GABRG3: variants seen among roughly 807,000 people sequenced by gnomAD.
GABRG3 encodes the protein gamma-aminobutyric acid type A receptor subunit gamma3.
Under a neutral mutation model 48.8 loss-of-function variants are expected in GABRG3, and 25 were observed. The observed-to-expected ratio is 0.51, with a 90% CI of 0.37 to 0.72. The LOEUF (loss-of-function observed/expected upper bound fraction) is 0.72. Among genes scored for constraint, GABRG3 ranks in the 30% least tolerant of loss-of-function variants. The pLI, the probability that GABRG3 is intolerant of heterozygous loss-of-function variation, is 0.00. For synonymous variants in GABRG3, 227 were observed against 217.6 expected (o/e 1.04, Z -0.38); for missense variants, 394 against 577.9 (o/e 0.68, Z 3.26).
intron 3 of GABRG3, among the ~76,000 whole-genome samples, chr15:27,075,030 A>G (rs1359601870): frequency 2.0e-5 from 3 of 152,224 alleles, no homozygotes; most frequent in Non-Finnish European, 4.4e-5. Flanking sequence ...GGACATTTTT[A>G]TTGATACTAA....
At chr15:27,306,385 T>C (rs556451676) in intron 3 of GABRG3, among the ~76,000 whole-genome samples, 2 of 139,794 alleles carry the variant, frequency 1.4e-5, no homozygotes, top group African/African-American at 5.2e-5. Context: ...TAAACATGTC[T>C]ACATGTAAAC....
chr15:27,496,993 G>A (rs1425042330), intron 6 of GABRG3, among the ~76,000 whole-genome samples: 2 of 151,720 alleles, frequency 1.3e-5, no homozygotes, highest in Non-Finnish European at 2.9e-5. Context: ...GTGAGTGCCA[G>A]GCCAGGTCTC....
intron 5 of GABRG3, among the ~76,000 whole-genome samples, chr15:27,446,258 A>G (rs1001048084): frequency 2.0e-5 from 3 of 152,206 alleles, no homozygotes; most frequent in Non-Finnish European, 4.4e-5. Context: ...ACAATATTAA[A>G]TCTTCTGATC....
intron 3 of GABRG3, among the ~76,000 whole-genome samples, chr15:27,129,997 G>T (rs1193087909): frequency 1.3e-5 from 2 of 152,036 alleles, no homozygotes; most frequent in Non-Finnish European, 2.9e-5. Context: ...TGTCTCACAT[G>T]CTATATGTTG....
intron 3 of GABRG3, among the ~76,000 whole-genome samples, chr15:27,258,722 A>C (rs1320027079): frequency 6.6e-6 from 1 of 152,178 alleles, no homozygotes; most frequent in East Asian, 1.9e-4. Context: ...CCACCACCTC[A>C]AATATTTATC....
rs546517478 is a variant in GABRG3 at position 27,515,920 on chromosome 15, T to A, written c.713-4052T>A. Among the ~76,000 whole-genome samples the A allele has an allele frequency of 2.6e-5, 4 of 152,326 alleles. No individual in the cohort carries two copies. The East Asian group carries it at 7.7e-4, about 29-fold the overall frequency. ...TTAGAAATACATTCTGTGAAGGGTT[T>A]TCCTTTTTTAAATTTTCTGTGAAGA... On this transcript the variant is annotated intron_variant, in intron 6 of 9. Coordinates refer to ENST00000615808, the MANE Select transcript of GABRG3 (RefSeq NM_033223.5).
At chr15:27,350,271 T>C (rs936882668) in intron 5 of GABRG3, 1 of 441,646 alleles carries the variant, frequency 2.3e-6, no homozygotes, top group African/African-American at 2.0e-5. Flanking sequence ...TGCATTTGCC[T>C]CCATGGGGCC....
intron 2 of GABRG3, among the ~76,000 whole-genome samples, chr15:27,023,640 A>G (rs1444988421): frequency 1.3e-5 from 2 of 152,248 alleles, no homozygotes; most frequent in Non-Finnish European, 2.9e-5. Context: ...GTATCACGAT[A>G]TCCTTCCTCT....
chr15:27,308,377 T>A (rs182816893), intron 3 of GABRG3, among the ~76,000 whole-genome samples: 58 of 133,464 alleles, frequency 4.3e-4, no homozygotes, highest in South Asian at 1.6e-3. Flanking sequence ...ATATAAACAT[T>A]TGTTTATATA....
At chr15:26,995,541 C>T (rs1199404428) in intron 2 of GABRG3, among the ~76,000 whole-genome samples, 1 of 145,362 alleles carries the variant, frequency 6.9e-6, no homozygotes. Flanking sequence ...CGTTTAATAT[C>T]TTTTTTTTTT....
intron 3 of GABRG3, among the ~76,000 whole-genome samples, chr15:27,251,712 T>C (rs1241069582): frequency 6.6e-6 from 1 of 152,226 alleles, no homozygotes; most frequent in Non-Finnish European, 1.5e-5. Context: ...AAAAAGTAAC[T>C]GTGTAGCCTT....
intron 3 of GABRG3, among the ~76,000 whole-genome samples, chr15:27,246,523 A>C (rs1335480369): frequency 6.6e-6 from 1 of 152,250 alleles, no homozygotes; most frequent in Non-Finnish European, 1.5e-5. Flanking sequence ...AAGACATAAC[A>C]TAAAACATTA....
chr15:27,168,855 C>G (rs1325231645), intron 3 of GABRG3, among the ~76,000 whole-genome samples: 1 of 152,188 alleles, frequency 6.6e-6, no homozygotes, highest in Non-Finnish European at 1.5e-5. Flanking sequence ...CCATATTATT[C>G]TGTCATAGCA....
At chr15:27,308,551 A>G (rs1273336429) in intron 3 of GABRG3, among the ~76,000 whole-genome samples, 5 of 148,744 alleles carry the variant, frequency 3.4e-5, no homozygotes, top group African/African-American at 4.9e-5. Context: ...TATAATGTAA[A>G]CATACATGTT....
chr15:27,130,663 G>A (rs578152640), intron 3 of GABRG3, among the ~76,000 whole-genome samples: 25 of 152,022 alleles, frequency 1.6e-4, no homozygotes, highest in African/African-American at 2.4e-4. Context: ...TAGATCTTTC[G>A]ACCTGTAAAC....
rs113458892 is a variant in GABRG3, at chr15:27,280,732, T to C, written c.271-46077T>C. ...CAATTCTTTTAAATTTGTTGAGGTTTGTTTTAGTGTCTAGGATACGGTTTA... is the reference window on the plus strand; with the variant it reads ...CAATTCTTTTAAATTTGTTGAGGTTCGTTTTAGTGTCTAGGATACGGTTTA... On this transcript the variant is annotated intron_variant, in intron 3 of 9. Transcript: ENST00000615808. 2.4e-3 allele frequency among the ~76,000 whole-genome samples: 363 copies of C among 152,336 alleles called. 3 individuals are homozygous for C. Among genetic ancestry groups the C allele is most frequent in the African/African-American group, 7.8e-3 (325 of 41,588 alleles).
chr15:27,536,253 A>G lies in GABRG3; in HGVS notation c.*3372A>G, dbSNP rs1357800533. 1 of 152,192 alleles carries G rather than the reference A, an allele frequency of 6.6e-6. No homozygotes were observed. The highest frequency in any genetic ancestry group is 6.5e-5 in the Admixed American group (1 of 15,272). 9.4% of individuals were successfully genotyped at this position (152,192 alleles called of 1,614,324 possible). On this transcript the variant is annotated 3_prime_UTR_variant, in exon 10 of 10. Coordinates refer to ENST00000615808, the MANE Select transcript of GABRG3 (RefSeq NM_033223.5). ...GAGCCTAGAAAGCTTCAGCTTCTGC[A>G]AAGTCCCAACACCACCTACCAGAAC...
intron 5 of GABRG3, among the ~76,000 whole-genome samples, chr15:27,369,806 CAAAAAA>C (rs34901488): frequency 0.022 from 652 of 30,258 alleles, 9 homozygotes; most frequent in African/African-American, 0.056. Context: ...GACTCCGTCT[CAAAAAA>C]AAAAAAAAAA....
At chr15:27,507,635 T>G (rs1247121355) in intron 6 of GABRG3, among the ~76,000 whole-genome samples, 1 of 152,240 alleles carries the variant, frequency 6.6e-6, no homozygotes, top group South Asian at 2.1e-4. Context: ...TTCTGCTGTT[T>G]TGTTGCCTGG....
Sources: allele counts gnomAD v4.1 joint callset (sites outside exome capture counted in the v4.1 genomes callset), GRCh38; gene constraint gnomAD v4.1.1; transcripts MANE v1.5; gene names NCBI Gene and HGNC (gene_info 2026-07-23, HGNC 2026-07-21).